EHMT1: variants seen among roughly 807,000 people sequenced by gnomAD.
EHMT1 encodes the protein euchromatic histone lysine methyltransferase 1, also known as histone-lysine N-methyltransferase EHMT1.
EHMT1 carries 15 observed loss-of-function variants against 147.2 expected under a neutral mutation model. That is an observed-to-expected ratio of 0.10 (90% CI 0.07 to 0.16). The LOEUF (loss-of-function observed/expected upper bound fraction) is 0.16. EHMT1 is among the 10% of genes least tolerant of loss of function. The pLI is 1.00. For missense variants in EHMT1, 1,587 were observed against 1,772.4 expected (o/e 0.90, Z 1.88); for synonymous variants, 795 against 709.6 (o/e 1.12, Z -1.91).
intron 3 of EHMT1, among the ~76,000 whole-genome samples, chr9:137,726,730 C>T (rs552893410): frequency 2.0e-5 from 3 of 152,224 alleles, no homozygotes; most frequent in Admixed American, 6.5e-5. Flanking sequence ...ACCAGCAGTG[C>T]ACAAGGGTTC....
At chr9:137,717,360 T>C in intron 3 of EHMT1, 178 bp downstream of exon 3, 1 of 840,324 alleles carries the variant, frequency 1.2e-6, no homozygotes, top group Non-Finnish European at 1.9e-6. Flanking sequence ...CGCAGCACTT[T>C]GGGAGGCTGA....
chr9:137,745,669 G>A (rs1271983913), intron 6 of EHMT1: 6 of 397,148 alleles, frequency 1.5e-5, no homozygotes, highest in Admixed American at 4.4e-5. Context: ...CGTGTCTGTC[G>A]CTCCAGTGCA....
Position 137,782,834 on chromosome 9 carries a change from C to T in EHMT1, c.2382+437C>T, listed in dbSNP as rs976936528. 2.0e-5 allele frequency among the ~76,000 whole-genome samples: 3 copies of T among 152,134 alleles called. No individual in the cohort carries two copies. The highest frequency in any genetic ancestry group is 4.4e-5 in the Non-Finnish European group (3 of 68,032). On this transcript the variant is annotated intron_variant, in intron 15 of 26. Transcript: ENST00000460843. This position sits in a 1 kb window ranked among gnomAD's most constrained non-coding sequence, Gnocchi z 5.7. ...TGTTGTGTCTGTCGTTAATCACTGGCTTGTGTTTCTGTTGGTTGAGTTGAC... is the reference window on the plus strand; with the variant it reads ...TGTTGTGTCTGTCGTTAATCACTGGTTTGTGTTTCTGTTGGTTGAGTTGAC...
At position 137,782,927 on chromosome 9, in the gene EHMT1, G is replaced by A. The variant is rs1033551717; in HGVS notation, c.2382+530G>A. ...CGCTTGTCTCTGGGTTCAGACACACGACGCTGTTTGTCCCCCTGTGACGCC... is the reference window on the plus strand; with the variant it reads ...CGCTTGTCTCTGGGTTCAGACACACAACGCTGTTTGTCCCCCTGTGACGCC... On this transcript the variant is annotated intron_variant, in intron 15 of 26. Coordinates refer to ENST00000460843, the MANE Select transcript of EHMT1 (RefSeq NM_024757.5). This position sits in a 1 kb window ranked among gnomAD's most constrained non-coding sequence, Gnocchi z 5.7. 5.3e-5 allele frequency among the ~76,000 whole-genome samples: 8 copies of A among 152,184 alleles called. No individual in the cohort carries two copies. In the South Asian group the frequency reaches 6.2e-4, roughly 12 times the overall value.
intron 1 of EHMT1, among the ~76,000 whole-genome samples, chr9:137,632,890 G>A (rs1843723881): frequency 6.6e-6 from 1 of 152,214 alleles, no homozygotes; most frequent in South Asian, 2.1e-4. Flanking sequence ...TGCAATAAGG[G>A]CAGTAGGAGG....
intron 16 of EHMT1, among the ~76,000 whole-genome samples, chr9:137,795,401 G>GCGCACACACACACACACACA (rs1554887412): frequency 2.2e-4 from 29 of 130,176 alleles, no homozygotes; most frequent in Non-Finnish European, 2.0e-4. Flanking sequence ...ATCGCAGGGT[G>GCGCACACACACACACACACA]CACACACACA....
At chr9:137,664,809 A>G (rs1269028741) in intron 1 of EHMT1, 1 of 152,220 alleles carries the variant, frequency 6.6e-6, no homozygotes, top group East Asian at 1.9e-4. Context: ...TGTTGCCTTA[A>G]GATGGATCTG....
intron 25 of EHMT1, among the ~76,000 whole-genome samples, chr9:137,827,247 T>C (rs1182939621): frequency 1.3e-5 from 2 of 152,116 alleles, no homozygotes; most frequent in South Asian, 2.1e-4. Context: ...CTCCCATGAG[T>C]GTCCCTAAGT....
intron 1 of EHMT1, among the ~76,000 whole-genome samples, chr9:137,701,318 CTG>C (rs965245780): frequency 1.3e-5 from 2 of 150,508 alleles, no homozygotes; most frequent in African/African-American, 4.9e-5. Context: ...GAGTCTCACT[CTG>C]TCACCTAGGC....
At chr9:137,717,245 A>T (rs1038656969) in intron 3 of EHMT1, 63 bp downstream of exon 3, 1 of 1,580,836 alleles carries the variant, frequency 6.3e-7, no homozygotes, top group Non-Finnish European at 8.6e-7. Context: ...ATAACGGCAA[A>T]TGGACTTTGG....
At chr9:137,766,937 C>T (rs550751702) in intron 10 of EHMT1, among the ~76,000 whole-genome samples, 1 of 152,192 alleles carries the variant, frequency 6.6e-6, no homozygotes, top group Non-Finnish European at 1.5e-5. Context: ...CCCAGCTGAG[C>T]CTCCCGAGTG....
Position 137,834,767 on chromosome 9 carries a change from C to G in EHMT1, c.3717-6C>G, listed in dbSNP as rs540561282. On this transcript the variant is annotated splice_polypyrimidine_tract_variant and splice_region_variant and intron_variant, in intron 26 of 26. Transcript: ENST00000460843. ...ACTTGGAGCCTTGGTTCTGTTCCCTCCCCAGGTTTGACTATGGAGAGCGCT... is the reference window on the plus strand; with the variant it reads ...ACTTGGAGCCTTGGTTCTGTTCCCTGCCCAGGTTTGACTATGGAGAGCGCT... The G allele has an allele frequency of 1.0e-4, 165 of 1,613,480 alleles. 6 individuals are homozygous for G. The South Asian group carries it at 1.8e-3, about 18-fold the overall frequency.
intron 1 of EHMT1, chr9:137,641,391 C>T (rs1844472400): frequency 1.9e-6 from 1 of 525,342 alleles, no homozygotes; most frequent in Admixed American, 2.1e-5. Context: ...TATTCTGTAA[C>T]CTGATTTAAT....
At chr9:137,760,993 C>T (rs1054609976) in intron 9 of EHMT1, among the ~76,000 whole-genome samples, 11 of 152,118 alleles carry the variant, frequency 7.2e-5, no homozygotes, top group African/African-American at 2.2e-4. Flanking sequence ...GGCGACAGAG[C>T]GAGACTCTGG....
At chr9:137,743,156 G>T (rs1948250605) in intron 4 of EHMT1, 2 of 549,462 alleles carry the variant, frequency 3.6e-6, no homozygotes, top group Non-Finnish European at 6.4e-6. Context: ...ATGAACAGAT[G>T]ATCCAGGACG....
At chr9:137,755,831 T>C (rs1949337986) in intron 8 of EHMT1, among the ~76,000 whole-genome samples, 1 of 152,256 alleles carries the variant, frequency 6.6e-6, no homozygotes, top group East Asian at 1.9e-4. Context: ...TTGTACATTT[T>C]AGCCTTCATT....
intron 15 of EHMT1, chr9:137,788,016 C>A (rs999357423): frequency 2.4e-5 from 34 of 1,436,050 alleles, no homozygotes; most frequent in African/African-American, 5.6e-5. Flanking sequence ...AGGCCAGGCC[C>A]TAGGCTCCGG....
intron 4 of EHMT1, 129 bp downstream of exon 4, chr9:137,728,658 G>A (rs1387476391): frequency 3.1e-6 from 4 of 1,304,612 alleles, no homozygotes; most frequent in Non-Finnish European, 4.3e-6. Flanking sequence ...GACGTCAGCT[G>A]GCCCTCCTGT....
intron 14 of EHMT1, among the ~76,000 whole-genome samples, chr9:137,781,304 GGCATCA>G (rs201150122): frequency 4.5e-4 from 58 of 128,306 alleles, no homozygotes; most frequent in Non-Finnish European, 6.7e-4. Flanking sequence ...TGGTGATGAC[GGCATCA>G]CTGAGATGTG....
Sources: gnomAD v4.1 joint callset for allele counts (sites outside exome capture counted in the v4.1 genomes callset) on GRCh38, gnomAD v4.1.1 for gene constraint, Gnocchi (gnomAD v3.1) non-coding constraint, MANE v1.5 for transcripts, NCBI Gene and HGNC (gene_info 2026-07-23, HGNC 2026-07-21) for gene names.